VPS13A: variants seen among roughly 807,000 people sequenced by gnomAD.
VPS13A encodes the protein intermembrane lipid transfer protein VPS13A.
Under a neutral mutation model 390.9 loss-of-function variants are expected in VPS13A, and 264 were observed. The observed-to-expected ratio is 0.68, with a 90% CI of 0.61 to 0.75. The LOEUF (loss-of-function observed/expected upper bound fraction) is 0.75, where lower values mean the gene tolerates loss of function less well. Among genes scored for constraint, VPS13A ranks in the 30% least tolerant of loss-of-function variants. VPS13A has a pLI of 0.00. For missense variants in VPS13A, 3,409 were observed against 3,733.9 expected (o/e 0.91, Z 2.27); for synonymous variants, 1,231 against 1,227.1 (o/e 1.00, Z -0.07).
intron 67 of VPS13A, among the ~76,000 whole-genome samples, chr9:77,377,879 CAT>C (rs1201223779): frequency 5.3e-5 from 8 of 152,116 alleles, no homozygotes; most frequent in Admixed American, 2.0e-4. Context: ...ATCATGAAAA[CAT>C]GTTAGATTTT....
rs557280226 is a variant in VPS13A, at chr9:77,224,158, A to G, written c.1162-1768A>G. ...AGATTTTTTTCAAAATATTATTGCT[A>G]ATAGACAATGCACCTAGTCACCAAA... On this transcript the variant is annotated intron_variant, in intron 13 of 71. Transcript: ENST00000360280. 2.0e-5 allele frequency among the ~76,000 whole-genome samples: 3 copies of G among 152,318 alleles called. No homozygotes were observed. In the East Asian group the frequency reaches 5.8e-4, roughly 29 times the overall value.
In VPS13A at chr9:77,321,476, ACT is replaced by A. The variant is rs767062828; in HGVS notation, c.5575-12_5575-11del. ...TACACATTTCATTTTATTTAGCATA[ACT>A]CTTTCTTATTAGGCATTTACAGAAG... On this transcript the variant is annotated splice_polypyrimidine_tract_variant and intron_variant, in intron 43 of 71. Coordinates refer to ENST00000360280, the MANE Select transcript of VPS13A (RefSeq NM_033305.3). 16 of 1,612,750 alleles carry A rather than the reference ACT, an allele frequency of 9.9e-6. No individual in the cohort carries two copies. The African/African-American group carries it at 1.6e-4, about 16-fold the overall frequency.
At chr9:77,195,183 G>A (rs562752170) in intron 1 of VPS13A, among the ~76,000 whole-genome samples, 75 of 152,180 alleles carry the variant, frequency 4.9e-4, no homozygotes, top group Non-Finnish European at 9.9e-4. Flanking sequence ...GAGTGCAGTG[G>A]CGCAATCTCG....
intron 56 of VPS13A, 76 bp downstream of exon 56, chr9:77,357,914 C>A: frequency 5.1e-6 from 6 of 1,182,854 alleles, no homozygotes; most frequent in Non-Finnish European, 7.3e-6. Context: ...TTCCCATGGT[C>A]TGCTTTATCT....
rs1409277768 is a variant in VPS13A, at chr9:77,318,219, AT to A, written c.4957-9del. Reference sequence around the variant, plus strand: ...GAAAGTGTTTTGTATAGACTTATTAATTTTTTTCCATTTAGGTTTCACCAGT... The same window carrying A: ...GAAAGTGTTTTGTATAGACTTATTAATTTTTTCCATTTAGGTTTCACCAGT... On this transcript the variant is annotated splice_polypyrimidine_tract_variant and intron_variant, in intron 40 of 71. Coordinates refer to ENST00000360280, the MANE Select transcript of VPS13A (RefSeq NM_033305.3). The A allele has an allele frequency of 5.3e-6, 8 of 1,505,648 alleles. No individual in the cohort carries two copies. Among genetic ancestry groups the A allele is most frequent in the Admixed American group, 3.7e-5 (2 of 54,288 alleles). The allele number at this position is 1,505,648 out of a possible 1,614,324, so 93.3% of individuals were successfully genotyped here. A position where few individuals can be genotyped will look rare whatever the true frequency, so the allele number is the denominator to read the frequency against.
At chr9:77,181,691 A>ATT (rs1172352011) in intron 1 of VPS13A, among the ~76,000 whole-genome samples, 3 of 152,186 alleles carry the variant, frequency 2.0e-5, no homozygotes, top group African/African-American at 7.2e-5. Flanking sequence ...ATCAATTAGT[A>ATT]TTCAGTCATT....
chr9:77,333,463 C>T (rs1370242233), intron 46 of VPS13A, among the ~76,000 whole-genome samples: 5 of 124,080 alleles, frequency 4.0e-5, no homozygotes, highest in African/African-American at 1.5e-4. Context: ...TGGAGTTTCG[C>T]TCTTGTTGCC....
chr9:77,304,006 A>G (rs113824208), intron 34 of VPS13A, among the ~76,000 whole-genome samples: 3,211 of 146,842 alleles, frequency 0.022, 59 homozygotes, highest in Non-Finnish European at 0.035. Flanking sequence ...ACCCTTTACG[A>G]GTGTCGGACT....
chr9:77,420,626 A>G lies in VPS13A; in HGVS notation c.*4620A>G, dbSNP rs1835312718. On this transcript the variant is annotated 3_prime_UTR_variant, in exon 72 of 72. Coordinates refer to ENST00000360280, the MANE Select transcript of VPS13A (RefSeq NM_033305.3). ...TTATAGTTTAACACCTGCTATGATG[A>G]TAGATATCACACTGCTATGATAGAA... 1 of 152,190 alleles carries G rather than the reference A, an allele frequency of 6.6e-6. No individual in the cohort carries two copies. Among genetic ancestry groups the G allele is most frequent in the Non-Finnish European group, 1.5e-5 (1 of 68,036 alleles). 9.4% of individuals were successfully genotyped at this position (152,190 alleles called of 1,614,324 possible).
chr9:77,244,340 A>G (rs1490904780), intron 19 of VPS13A, among the ~76,000 whole-genome samples: 1 of 144,382 alleles, frequency 6.9e-6, no homozygotes. Context: ...TGAAATCCAC[A>G]CTTTGTTGGG....
intron 29 of VPS13A, 27 bp downstream of exon 29, chr9:77,282,301 A>AT: frequency 6.3e-7 from 1 of 1,593,196 alleles, no homozygotes. Context: ...TTTAGCATCA[A>AT]CTTTTTTTTT....
At chr9:77,363,499 G>T (rs571315246) in intron 59 of VPS13A, among the ~76,000 whole-genome samples, 1 of 148,348 alleles carries the variant, frequency 6.7e-6, no homozygotes, top group African/African-American at 2.5e-5. Flanking sequence ...CCTCCGCCTC[G>T]TGGGTTTGTG....
rs745946896 is a variant in VPS13A at position 77,205,304 on chromosome 9, A to G, written c.188-9A>G. The G allele has an allele frequency of 6.9e-7, 1 of 1,455,484 alleles. No individual in the cohort carries two copies. The highest frequency in any genetic ancestry group is 9.3e-7 in the Non-Finnish European group (1 of 1,072,566). The allele number at this position is 1,455,484 out of a possible 1,614,324, so 90.2% of individuals were successfully genotyped here. On this transcript the variant is annotated splice_polypyrimidine_tract_variant and intron_variant, in intron 3 of 71. Transcript: ENST00000360280. ...TTTTGTCCTTTTTTTTTTTCCCAAAAAAATGTAGGTAATCTTAAACTTATA... is the reference window on the plus strand; with the variant it reads ...TTTTGTCCTTTTTTTTTTTCCCAAAGAAATGTAGGTAATCTTAAACTTATA...
intron 67 of VPS13A, 112 bp downstream of exon 67, chr9:77,371,261 A>G (rs1832732747): frequency 4.2e-6 from 6 of 1,437,676 alleles, no homozygotes; most frequent in Non-Finnish European, 4.8e-6. Flanking sequence ...TTGTGCTGCT[A>G]TAACATACCA....
chr9:77,302,930 T>C lies in VPS13A; in HGVS notation c.3828T>C (p.Asn1276=). The change falls in exon 34 of 72, where the codon AAT becomes AAC. Residue 1276 remains asparagine, a synonymous_variant. Coordinates refer to ENST00000360280, the MANE Select transcript of VPS13A (RefSeq NM_033305.3). ...CTACTTATAGATCTCGATTTATTAATGATGCATACCAGGAAGTACTGGATC... is the reference window on the plus strand; with the variant it reads ...CTACTTATAGATCTCGATTTATTAACGATGCATACCAGGAAGTACTGGATC... ...EMRLYRSRFI[N]DAYQEVLDLL... is the part of the protein sequence containing the mutation. 1 of 1,613,684 alleles carries C rather than the reference T, an allele frequency of 6.2e-7. No homozygotes were observed. Among genetic ancestry groups the C allele is most frequent in the Non-Finnish European group, 8.5e-7 (1 of 1,179,632 alleles).
intron 71 of VPS13A, among the ~76,000 whole-genome samples, chr9:77,414,611 G>A (rs182601444): frequency 1.9e-4 from 29 of 151,926 alleles, no homozygotes; most frequent in Admixed American, 3.9e-4. Flanking sequence ...AGGGAGGAGG[G>A]ATAGCATTAG....
intron 1 of VPS13A, among the ~76,000 whole-genome samples, chr9:77,187,029 G>A (rs1320619823): frequency 6.6e-6 from 1 of 152,160 alleles, no homozygotes; most frequent in Non-Finnish European, 1.5e-5. Context: ...ATGTCCTCAA[G>A]GTGCATCCGT....
chr9:77,384,678 C>T (rs1833608656), intron 68 of VPS13A: 3 of 1,599,464 alleles, frequency 1.9e-6, no homozygotes, highest in Admixed American at 3.4e-5. Context: ...AGATCTAAAC[C>T]ATTAAAATTC....
At chr9:77,386,335 A>T (rs1330212854) in intron 68 of VPS13A, among the ~76,000 whole-genome samples, 2 of 152,192 alleles carry the variant, frequency 1.3e-5, no homozygotes, top group African/African-American at 4.8e-5. Flanking sequence ...GGCTTCTTAC[A>T]TTCCAACTTT....
Sources: allele counts gnomAD v4.1 joint callset (sites outside exome capture counted in the v4.1 genomes callset), GRCh38; gene constraint gnomAD v4.1.1; transcripts MANE v1.5; gene names NCBI Gene and HGNC (gene_info 2026-07-23, HGNC 2026-07-21).